The following PCDHA1 variants were observed in gnomAD, a reference collection of about 807,000 sequenced individuals.
PCDHA1 encodes the protein protocadherin alpha-1.
Under a neutral mutation model 61.3 loss-of-function variants are expected in PCDHA1, and 42 were observed. The observed-to-expected ratio is 0.69, with a 90% CI of 0.54 to 0.89. The LOEUF (loss-of-function observed/expected upper bound fraction) is 0.89, where lower values mean the gene tolerates loss of function less well. Ranked by LOEUF, PCDHA1 falls within the 40% of genes least tolerant of loss-of-function variation. The pLI, the probability that PCDHA1 is intolerant of heterozygous loss-of-function variation, is 0.00. For synonymous variants in PCDHA1, 610 were observed against 553.8 expected, an observed-to-expected ratio of 1.10 and a Z score of -1.43; for missense variants, 1,256 against 1,235.3, an observed-to-expected ratio of 1.02 and a Z score of -0.25.
Position 140,848,531 on chromosome 5 carries a change from G to C in PCDHA1, c.2394+59847G>C. On this transcript the variant is annotated intron_variant, in intron 1 of 3. Coordinates refer to ENST00000504120, the MANE Select transcript of PCDHA1 (RefSeq NM_018900.4). ...CAAGTCGAGGAGATCCAGAGGGTCA[G>C]CCTCTACTGCTCTCGCTTCTGATCC... 3 of 1,594,876 alleles carry C rather than the reference G, an allele frequency of 1.9e-6. 1 individual carries two copies. The South Asian group carries it at 3.3e-5, about 18-fold the overall frequency.
chr5:140,802,635 C>T (rs527490380), intron 1 of PCDHA1: 137 of 1,613,810 alleles, frequency 8.5e-5, no homozygotes, highest in Non-Finnish European at 1.1e-4. Flanking sequence ...GGTGTCTGCG[C>T]GGGACGCGGA....
intron 1 of PCDHA1, chr5:140,875,943 T>C (rs371245562): frequency 1.9e-6 from 3 of 1,614,072 alleles, no homozygotes; most frequent in African/African-American, 2.7e-5. Flanking sequence ...TAGAGGGCGC[T>C]TCTGATGCGG....
intron 1 of PCDHA1, chr5:140,801,559 T>C (rs1554121548): frequency 6.2e-7 from 1 of 1,613,756 alleles, no homozygotes; most frequent in Non-Finnish European, 8.5e-7. Context: ...CATGTGGAGG[T>C]GGAAGTGAAG....
intron 1 of PCDHA1, chr5:140,870,801 G>A: frequency 6.2e-7 from 1 of 1,613,670 alleles, no homozygotes; most frequent in Non-Finnish European, 8.5e-7. Context: ...CACTGCTGGC[G>A]ACTCAGGCTG....
chr5:140,999,056 C>T (rs1256829495), intron 3 of PCDHA1, among the ~76,000 whole-genome samples: 4 of 152,212 alleles, frequency 2.6e-5, no homozygotes, highest in Non-Finnish European at 5.9e-5. Context: ...TCCACCATGC[C>T]TAAGTAGTCT....
chr5:140,992,017 CTGTGTGTGTG>C (rs10602499), intron 3 of PCDHA1, among the ~76,000 whole-genome samples: 1 of 145,512 alleles, frequency 6.9e-6, no homozygotes, highest in Non-Finnish European at 1.5e-5. Context: ...AGAGGTGGCT[CTGTGTGTGTG>C]TGTGTGTGTG....
In PCDHA1 at chr5:140,787,440, C is replaced by A. The variant is rs201577447; in HGVS notation, c.1150C>A (p.Gln384Lys). 75 of 1,614,114 alleles carry A rather than the reference C, an allele frequency of 4.6e-5. No homozygotes were observed. The highest frequency in any genetic ancestry group is 5.6e-5 in the Non-Finnish European group (66 of 1,180,040). Residue 384 changes from glutamine to lysine, a missense_variant, in exon 1 of 4, where the codon CAG becomes AAG. Gln to Lys is a moderately conservative substitution (Grantham distance 53, BLOSUM62 1). Coordinates refer to ENST00000504120, the MANE Select transcript of PCDHA1 (RefSeq NM_018900.4). ...VSDRDSGANGQVTCSLMPHVP... is the reference protein window; with the variant it reads ...VSDRDSGANGKVTCSLMPHVP... ...TGACCGTGACTCAGGTGCCAACGGG[C>A]AGGTGACTTGCTCCTTAATGCCCCA... is the stretch of plus-strand genomic sequence containing the variant.
At chr5:140,946,019 C>T (rs1014072062) in intron 1 of PCDHA1, among the ~76,000 whole-genome samples, 2 of 151,732 alleles carry the variant, frequency 1.3e-5, no homozygotes, top group African/African-American at 2.4e-5. Context: ...TCCTGCGCAG[C>T]AAAGAAAACA....
At chr5:140,991,716 A>G (rs1287772391) in intron 3 of PCDHA1, among the ~76,000 whole-genome samples, 1 of 152,164 alleles carries the variant, frequency 6.6e-6, no homozygotes, top group East Asian at 1.9e-4. Flanking sequence ...TATTGCTACT[A>G]GCAGCCTGTT....
At chr5:140,893,083 T>C (rs2063812039) in intron 1 of PCDHA1, among the ~76,000 whole-genome samples, 1 of 152,266 alleles carries the variant, frequency 6.6e-6, no homozygotes, top group Non-Finnish European at 1.5e-5. Flanking sequence ...GATTTCATTC[T>C]TTTTTATGGC....
chr5:140,808,599 G>A (rs1554124647), intron 1 of PCDHA1: 4 of 1,613,792 alleles, frequency 2.5e-6, no homozygotes, highest in African/African-American at 1.3e-5. Context: ...AACCCGCCGG[G>A]CTGCCACATC....
intron 1 of PCDHA1, chr5:140,805,184 T>C: frequency 1.3e-6 from 2 of 1,491,856 alleles, no homozygotes; most frequent in Non-Finnish European, 1.8e-6. Flanking sequence ...CTATGCCAAA[T>C]AAATATTGAA....
At chr5:140,805,891 A>C (rs1763646842) in intron 1 of PCDHA1, among the ~76,000 whole-genome samples, 1 of 152,340 alleles carries the variant, frequency 6.6e-6, no homozygotes, top group Non-Finnish European at 1.5e-5. Flanking sequence ...GAAGGAAGCA[A>C]ACATTTTCTG....
intron 1 of PCDHA1, chr5:140,843,009 C>A: frequency 6.3e-7 from 1 of 1,595,058 alleles, no homozygotes; most frequent in Non-Finnish European, 8.6e-7. Flanking sequence ...GACAACGCGC[C>A]GGCACTGCTG....
At chr5:140,918,789 G>A (rs1453306973) in intron 1 of PCDHA1, among the ~76,000 whole-genome samples, 7 of 142,426 alleles carry the variant, frequency 4.9e-5, no homozygotes, top group African/African-American at 1.9e-4. Flanking sequence ...TGAGGACACA[G>A]CAAAAATGTG....
chr5:140,788,901 T>G, intron 1 of PCDHA1: 1 of 1,172,212 alleles, frequency 8.5e-7, no homozygotes, highest in African/African-American at 1.5e-5. Context: ...TATTTCTTGA[T>G]TTAAATGGCA....
At chr5:140,800,760 A>G (rs1471793592) in intron 1 of PCDHA1, among the ~76,000 whole-genome samples, 5 of 152,260 alleles carry the variant, frequency 3.3e-5, no homozygotes, top group Non-Finnish European at 7.3e-5. Context: ...TCACATGGGA[A>G]ATATTTCCAA....
intron 1 of PCDHA1, chr5:140,821,431 T>C (rs1300561575): frequency 1.5e-5 from 3 of 193,748 alleles, no homozygotes; most frequent in African/African-American, 2.3e-5. Context: ...ATATTTTGAC[T>C]AGAGATAAGT....
intron 1 of PCDHA1, among the ~76,000 whole-genome samples, chr5:140,885,031 AT>A (rs1165183992): frequency 6.6e-6 from 1 of 152,198 alleles, no homozygotes; most frequent in Non-Finnish European, 1.5e-5. Flanking sequence ...AATTTAAAAA[AT>A]TTTTAGTTTA....
Sources: allele counts gnomAD v4.1 joint callset (sites outside exome capture counted in the v4.1 genomes callset), GRCh38; gene constraint gnomAD v4.1.1; transcripts MANE v1.5; gene names NCBI Gene and HGNC (gene_info 2026-07-23, HGNC 2026-07-21).